ARHGAP15: variants seen among roughly 807,000 people sequenced by gnomAD.
The protein encoded by ARHGAP15 is rho GTPase-activating protein 15.
ARHGAP15 carries 51 observed loss-of-function variants against 63.7 expected under a neutral mutation model. The ratio of observed to expected loss-of-function variants is 0.80; its 90% CI spans 0.64 to 1.01. ARHGAP15 has a LOEUF of 1.01. ARHGAP15 is among the 50% of genes least tolerant of loss of function. The pLI is 0.00. For missense variants in ARHGAP15, 560 were observed against 564.6 expected, an observed-to-expected ratio of 0.99 and a Z score of 0.08; for synonymous variants, 191 against 193.8, an observed-to-expected ratio of 0.99 and a Z score of 0.12.
chr2:143,267,478 A>G (rs1189216639), intron 6 of ARHGAP15, among the ~76,000 whole-genome samples: 1 of 152,204 alleles, frequency 6.6e-6, no homozygotes, highest in Non-Finnish European at 1.5e-5. Context: ...GGAAATTTGC[A>G]TCAATAATTA....
chr2:143,735,527 TTCTC>T (rs561475506), intron 13 of ARHGAP15, among the ~76,000 whole-genome samples: 1 of 152,216 alleles, frequency 6.6e-6, no homozygotes, highest in Non-Finnish European at 1.5e-5. Context: ...GCAAGTAAGC[TTCTC>T]TCTCACTGTG....
At chr2:143,660,870 T>C (rs1388382525) in intron 12 of ARHGAP15, among the ~76,000 whole-genome samples, 1 of 152,272 alleles carries the variant, frequency 6.6e-6, no homozygotes, top group Non-Finnish European at 1.5e-5. Flanking sequence ...TTTCTATTGC[T>C]GTTGTAACAG....
chr2:143,687,007 G>T (rs1683381443), intron 12 of ARHGAP15, among the ~76,000 whole-genome samples: 1 of 152,160 alleles, frequency 6.6e-6, no homozygotes, highest in Admixed American at 6.5e-5. Context: ...CTGAAGAATT[G>T]AGTCAACTGT....
At chr2:143,172,175 A>G (rs969190760) in intron 2 of ARHGAP15, 3 of 152,138 alleles carry the variant, frequency 2.0e-5, no homozygotes, top group South Asian at 2.1e-4. Flanking sequence ...AAGGGTATCA[A>G]ATGTTCACGT....
At position 143,542,754 on chromosome 2, in the gene ARHGAP15, TA is replaced by T. The variant is rs569661704; in HGVS notation, c.926-13652del. ...ATATATAATATATATATGATATATA[TA>T]ATATCACATATATAATATATATATG... On this transcript the variant is annotated intron_variant, in intron 10 of 13. Coordinates refer to ENST00000295095, the MANE Select transcript of ARHGAP15 (RefSeq NM_018460.4). Among the ~76,000 whole-genome samples the T allele has an allele frequency of 3.8e-4, 37 of 97,758 alleles. No individual in the cohort carries two copies. The South Asian group carries it at 9.4e-3, about 25-fold the overall frequency. The allele number at this position is 97,758 out of a possible 152,430, so 64.1% of individuals were successfully genotyped here. A position where few individuals can be genotyped will look rare whatever the true frequency, so the allele number is the denominator to read the frequency against.
At chr2:143,680,419 T>C (rs1683048727) in intron 12 of ARHGAP15, among the ~76,000 whole-genome samples, 1 of 152,240 alleles carries the variant, frequency 6.6e-6, no homozygotes, top group Non-Finnish European at 1.5e-5. Flanking sequence ...TAATCTCTAG[T>C]AACCCTATAC....
chr2:143,170,338 A>G (rs1029644145), intron 2 of ARHGAP15, among the ~76,000 whole-genome samples: 1 of 152,162 alleles, frequency 6.6e-6, no homozygotes, highest in African/African-American at 2.4e-5. Context: ...TGTACTCGGC[A>G]TTATGCTAAG....
intron 6 of ARHGAP15, among the ~76,000 whole-genome samples, chr2:143,398,462 C>T (rs1687863971): frequency 6.6e-6 from 1 of 152,038 alleles, no homozygotes; most frequent in Non-Finnish European, 1.5e-5. Flanking sequence ...TTCATAGGCA[C>T]AGATGACTGG....
intron 2 of ARHGAP15, among the ~76,000 whole-genome samples, chr2:143,191,036 T>A (rs1574070994): frequency 6.6e-6 from 1 of 152,234 alleles, no homozygotes; most frequent in East Asian, 1.9e-4. Context: ...CCCAAAGTGC[T>A]GGGATTACAG....
chr2:143,584,639 C>A (rs1697037436), intron 11 of ARHGAP15, among the ~76,000 whole-genome samples: 1 of 151,892 alleles, frequency 6.6e-6, no homozygotes, highest in African/African-American at 2.4e-5. Context: ...ACAACAACAA[C>A]AACAACAACA....
chr2:143,455,185 G>A lies in ARHGAP15; in HGVS notation c.703+18143G>A, dbSNP rs926565065. On this transcript the variant is annotated intron_variant, in intron 8 of 13. Coordinates refer to ENST00000295095, the MANE Select transcript of ARHGAP15 (RefSeq NM_018460.4). Reference sequence around the variant, plus strand: ...TTTTATTGTCGTTTCTTGATTATATGCTAAACAAGGTGTGGCTTATTCATT... The same window carrying A: ...TTTTATTGTCGTTTCTTGATTATATACTAAACAAGGTGTGGCTTATTCATT... Among the ~76,000 whole-genome samples the A allele has an allele frequency of 1.3e-4, 20 of 151,502 alleles. 1 individual carries two copies. Among genetic ancestry groups the A allele is most frequent in the Non-Finnish European group, 7.4e-5 (5 of 67,912 alleles).
intron 13 of ARHGAP15, among the ~76,000 whole-genome samples, chr2:143,719,178 C>T (rs1302181690): frequency 1.3e-5 from 2 of 152,184 alleles, no homozygotes; most frequent in Non-Finnish European, 2.9e-5. Context: ...AACTGATGGT[C>T]AATAGACGCC....
intron 6 of ARHGAP15, among the ~76,000 whole-genome samples, chr2:143,374,751 C>A (rs1051732801): frequency 2.6e-5 from 4 of 152,140 alleles, no homozygotes; most frequent in Admixed American, 6.5e-5. Flanking sequence ...AATCCTCCTG[C>A]CTTGGCTTCC....
At chr2:143,611,422 C>G (rs375132040) in intron 11 of ARHGAP15, among the ~76,000 whole-genome samples, 1 of 152,188 alleles carries the variant, frequency 6.6e-6, no homozygotes, top group African/African-American at 2.4e-5. Flanking sequence ...TATTTAATTT[C>G]TCTGGTCCTT....
Position 143,650,419 on chromosome 2 carries a change from G to A in ARHGAP15, c.1138+26152G>A, listed in dbSNP as rs376899169. 1.5e-4 allele frequency among the ~76,000 whole-genome samples: 23 copies of A among 151,916 alleles called. 1 individual carries two copies. Among genetic ancestry groups the A allele is most frequent in the East Asian group, 1.4e-3 (7 of 5,170 alleles). On this transcript the variant is annotated intron_variant, in intron 12 of 13. Transcript: ENST00000295095. ...TTTGCTTCTTTAAAATGGGATTATT[G>A]AATTAACTAACCTGTAATCATCTTT...
Position 143,661,170 on chromosome 2 carries a change from G to A in ARHGAP15, c.1138+36903G>A, listed in dbSNP as rs146184523. Among the ~76,000 whole-genome samples the A allele has an allele frequency of 1.2e-3, 190 of 152,290 alleles. 1 individual carries two copies. Among genetic ancestry groups the A allele is most frequent in the African/African-American group, 4.2e-3 (173 of 41,558 alleles). Reference sequence around the variant, plus strand: ...GATTTCTTTGCTTTTAAAGACCAATGTGATCAGATCAGGCCCACCCCAATA... The same window carrying A: ...GATTTCTTTGCTTTTAAAGACCAATATGATCAGATCAGGCCCACCCCAATA... On this transcript the variant is annotated intron_variant, in intron 12 of 13. Coordinates refer to ENST00000295095, the MANE Select transcript of ARHGAP15 (RefSeq NM_018460.4).
intron 11 of ARHGAP15, among the ~76,000 whole-genome samples, chr2:143,610,508 C>T (rs1337558914): frequency 6.6e-6 from 1 of 152,120 alleles, no homozygotes; most frequent in African/African-American, 2.4e-5. Context: ...TGCAAACAAT[C>T]CACTTGTTTA....
At chr2:143,430,525 C>A (rs960387101) in intron 6 of ARHGAP15, among the ~76,000 whole-genome samples, 3 of 151,726 alleles carry the variant, frequency 2.0e-5, no homozygotes, top group African/African-American at 4.8e-5. Context: ...TGGAGTGATG[C>A]AAGATGAAAA....
At chr2:143,748,057 AC>A (rs1272323097) in intron 13 of ARHGAP15, among the ~76,000 whole-genome samples, 1 of 152,228 alleles carries the variant, frequency 6.6e-6, no homozygotes, top group African/African-American at 2.4e-5. Flanking sequence ...AGAATATAGA[AC>A]AAAAAGATGA....
Sources: allele counts gnomAD v4.1 joint callset (sites outside exome capture counted in the v4.1 genomes callset), GRCh38; gene constraint gnomAD v4.1.1; transcripts MANE v1.5; gene names NCBI Gene and HGNC (gene_info 2026-07-23, HGNC 2026-07-21).